FMNL2: variants seen among roughly 807,000 people sequenced by gnomAD.
FMNL2 encodes the protein formin like 2.
In FMNL2, 51 loss-of-function variants were observed where a neutral mutation model predicts 130.2. The observed-to-expected ratio is 0.39, with a 90% confidence interval of 0.31 to 0.49. FMNL2 has a LOEUF of 0.49. Ranked by LOEUF, FMNL2 falls within the 20% of genes least tolerant of loss-of-function variation. FMNL2 has a pLI of 0.85. For synonymous variants in FMNL2, 465 were observed against 467.1 expected (o/e 1.00, Z 0.06); for missense variants, 977 against 1,316.2 (o/e 0.74, Z 3.99).
In FMNL2 at chr2:152,564,776, G is replaced by GTTTT. The variant is rs56378937; in HGVS notation, c.596+3760_596+3763dup. ...CACTGCGTTCTAAAATACAAGGTTGGTTTTTTTTTTTTTTTTTTTTTTAAC... is the reference window on the plus strand; with the variant it reads ...CACTGCGTTCTAAAATACAAGGTTGGTTTTTTTTTTTTTTTTTTTTTTTTTTAAC... On this transcript the variant is annotated intron_variant, in intron 6 of 25. Transcript: ENST00000288670. Among the ~76,000 whole-genome samples the GTTTT allele has an allele frequency of 1.1e-3, 86 of 79,332 alleles. 9 individuals are homozygous for GTTTT. The highest frequency in any genetic ancestry group is 3.0e-3 in the African/African-American group (62 of 20,968). The allele number at this position is 79,332 out of a possible 152,430, so 52.0% of individuals were successfully genotyped here. A position where few individuals can be genotyped will look rare whatever the true frequency, so the allele number is the denominator to read the frequency against.
At chr2:152,357,168 C>A (rs1435822301) in intron 1 of FMNL2, among the ~76,000 whole-genome samples, 2 of 112,808 alleles carry the variant, frequency 1.8e-5, no homozygotes, top group South Asian at 3.3e-4. Context: ...TTTAATGTAT[C>A]ACGATAAATA....
intron 2 of FMNL2, among the ~76,000 whole-genome samples, chr2:152,534,385 G>A (rs1693871920): frequency 6.6e-6 from 1 of 152,088 alleles, no homozygotes; most frequent in African/African-American, 2.4e-5. Context: ...CCCACAATTT[G>A]TACACTGTTT....
In FMNL2 at chr2:152,431,965, T is replaced by TAAAAAAAAAAAAAAAAAAA. The variant is rs60639670; in HGVS notation, c.118-89976_118-89958dup. Reference sequence around the variant, plus strand: ...GGGCAACAGAGTGAAACCCTATCTTTAAAAAAAAAAAAAAAAAAAAGATTT... The same window carrying TAAAAAAAAAAAAAAAAAAA: ...GGGCAACAGAGTGAAACCCTATCTTTAAAAAAAAAAAAAAAAAAAAAAAAAAAAAAAAAAAAAAAGATTT... On this transcript the variant is annotated intron_variant, in intron 1 of 25. Coordinates refer to ENST00000288670, the MANE Select transcript of FMNL2 (RefSeq NM_052905.4). 2.8e-4 allele frequency among the ~76,000 whole-genome samples: 23 copies of TAAAAAAAAAAAAAAAAAAA among 82,152 alleles called. 1 individual carries two copies. The highest frequency in any genetic ancestry group is 1.4e-3 in the African/African-American group (22 of 15,622). 53.9% of individuals were successfully genotyped at this position (82,152 alleles called of 152,430 possible).
At chr2:152,448,091 T>C (rs1312774689) in intron 1 of FMNL2, among the ~76,000 whole-genome samples, 1 of 152,138 alleles carries the variant, frequency 6.6e-6, no homozygotes, top group Non-Finnish European at 1.5e-5. Context: ...AGTTTCCACA[T>C]GTTTTCTCCT....
intron 1 of FMNL2, among the ~76,000 whole-genome samples, chr2:152,470,415 T>C (rs112214258): frequency 0.03 from 4,536 of 152,300 alleles, 96 homozygotes; most frequent in Non-Finnish European, 0.044. Context: ...ATGAAAGTAT[T>C]TGGAAGATTG....
chr2:152,633,946 C>T (rs539114461), intron 21 of FMNL2, among the ~76,000 whole-genome samples: 6 of 152,298 alleles, frequency 3.9e-5, no homozygotes, highest in Admixed American at 3.9e-4. Context: ...TGTGTTCACT[C>T]ACTCCTTCAT....
At chr2:152,517,104 T>C (rs1692815834) in intron 1 of FMNL2, among the ~76,000 whole-genome samples, 2 of 152,182 alleles carry the variant, frequency 1.3e-5, no homozygotes, top group Non-Finnish European at 2.9e-5. Context: ...TTTCATGGTT[T>C]ATTGTATGTG....
chr2:152,431,809 T>C (rs1687505264), intron 1 of FMNL2, among the ~76,000 whole-genome samples: 1 of 151,224 alleles, frequency 6.6e-6, no homozygotes, highest in Non-Finnish European at 1.5e-5. Flanking sequence ...CTACAAAAAA[T>C]AAAAAATAGA....
chr2:152,434,438 C>T (rs1425820182), intron 1 of FMNL2, among the ~76,000 whole-genome samples: 1 of 152,176 alleles, frequency 6.6e-6, no homozygotes, highest in East Asian at 1.9e-4. Flanking sequence ...TTGAACCAAG[C>T]TAGGTCTAAG....
At chr2:152,435,629 T>C (rs1038607690) in intron 1 of FMNL2, among the ~76,000 whole-genome samples, 8 of 150,750 alleles carry the variant, frequency 5.3e-5, no homozygotes, top group African/African-American at 2.0e-4. Context: ...TTGGTAAAAG[T>C]GGTAAAAAGA....
At chr2:152,636,748 C>G (rs140742958) in intron 22 of FMNL2, among the ~76,000 whole-genome samples, 158 bp downstream of exon 22, 1 of 152,146 alleles carries the variant, frequency 6.6e-6, no homozygotes. Context: ...GGACCATTCC[C>G]AGGGTTATTC....
intron 4 of FMNL2, among the ~76,000 whole-genome samples, chr2:152,551,021 C>T (rs1404592570): frequency 1.3e-5 from 2 of 151,780 alleles, no homozygotes; most frequent in African/African-American, 4.8e-5. Context: ...TGCTTGTAGT[C>T]CCAGCTGCTT....
Position 152,368,339 on chromosome 2 carries a change from C to T in FMNL2, c.117+32619C>T, listed in dbSNP as rs1163198760. Among the ~76,000 whole-genome samples, 11 of 152,094 alleles carry T rather than the reference C, an allele frequency of 7.2e-5. No homozygotes were observed. In the East Asian group the frequency reaches 1.5e-3, roughly 21 times the overall value. On this transcript the variant is annotated intron_variant, in intron 1 of 25. Transcript: ENST00000288670. ...GTTTCCTAGATAAGTTTTTAAAAAA[C>T]GTCATTTCTGAAATGGGCAGAATAC...
chr2:152,555,501 C>T (rs1447868606), intron 4 of FMNL2, among the ~76,000 whole-genome samples: 1 of 152,146 alleles, frequency 6.6e-6, no homozygotes, highest in South Asian at 2.1e-4. Context: ...CTCTTAAGAC[C>T]TATATGAGGA....
intron 9 of FMNL2, among the ~76,000 whole-genome samples, chr2:152,589,935 T>TTATACA (rs1558987957): frequency 7.2e-4 from 57 of 78,764 alleles, no homozygotes; most frequent in African/African-American, 2.8e-3. Context: ...ACACCTGGCT[T>TTATACA]TATACATATA....
chr2:152,517,021 A>G (rs1390001233), intron 1 of FMNL2, among the ~76,000 whole-genome samples: 2 of 152,180 alleles, frequency 1.3e-5, no homozygotes, highest in Admixed American at 6.5e-5. Flanking sequence ...AGTAGAGACC[A>G]TACATGTAAC....
At chr2:152,573,692 ACTC>A (rs1696308805) in intron 6 of FMNL2, among the ~76,000 whole-genome samples, 1 of 152,090 alleles carries the variant, frequency 6.6e-6, no homozygotes, top group Admixed American at 6.6e-5. Context: ...TTTTATTACT[ACTC>A]TATTTTTATA....
At chr2:152,537,414 G>T (rs1694052390) in intron 2 of FMNL2, among the ~76,000 whole-genome samples, 1 of 152,116 alleles carries the variant, frequency 6.6e-6, no homozygotes. Context: ...CGCCTTAGGG[G>T]ATTGGGTTAA....
At chr2:152,417,452 T>C (rs905287161) in intron 1 of FMNL2, among the ~76,000 whole-genome samples, 3 of 152,212 alleles carry the variant, frequency 2.0e-5, no homozygotes, top group African/African-American at 7.2e-5. Flanking sequence ...TTGTTGGTTG[T>C]TGTGCTGTGC....
Sources: gnomAD v4.1 joint callset for allele counts (sites outside exome capture counted in the v4.1 genomes callset) on GRCh38, gnomAD v4.1.1 for gene constraint, MANE v1.5 for transcripts, NCBI Gene and HGNC (gene_info 2026-07-23, HGNC 2026-07-21) for gene names.